The following GAREM1 variants were observed in gnomAD, a reference collection of about 807,000 sequenced individuals.
The protein encoded by GAREM1 is GRB2 associated regulator of MAPK1 subtype 1.
In GAREM1, 26 loss-of-function variants were observed where a neutral mutation model predicts 71.3. The observed-to-expected ratio is 0.36, with a 90% CI of 0.27 to 0.51. The LOEUF (loss-of-function observed/expected upper bound fraction) is 0.51. Among genes scored for constraint, GAREM1 ranks in the 20% least tolerant of loss-of-function variants. The probability of loss-of-function intolerance (pLI) is 0.95; values close to 1 mark genes in which losing one functional copy is unlikely to be tolerated. For missense variants in GAREM1, 1,026 were observed against 1,103.1 expected, an observed-to-expected ratio of 0.93 and a Z score of 0.99; for synonymous variants, 440 against 433.2, an observed-to-expected ratio of 1.02 and a Z score of -0.20.
chr18:32,468,611 T>A (rs1444948244), intron 1 of GAREM1, among the ~76,000 whole-genome samples: 2 of 152,204 alleles, frequency 1.3e-5, no homozygotes, highest in Non-Finnish European at 2.9e-5. Context: ...CAGATCCTTT[T>A]TATGAATGGC....
At chr18:32,402,875 C>T (rs1308719861) in intron 1 of GAREM1, among the ~76,000 whole-genome samples, 1 of 148,564 alleles carries the variant, frequency 6.7e-6, no homozygotes, top group Non-Finnish European at 1.5e-5. Flanking sequence ...TGTATCTGTG[C>T]TCGTGGAGTG....
intron 3 of GAREM1, among the ~76,000 whole-genome samples, chr18:32,297,147 A>G (rs2047149218): frequency 6.6e-6 from 1 of 152,200 alleles, no homozygotes; most frequent in South Asian, 2.1e-4. Context: ...TGCAAACTCT[A>G]AAATACGTGC....
At position 32,364,854 on chromosome 18, in the gene GAREM1, C is replaced by T. The variant is rs555284394; in HGVS notation, c.262+28041G>A. 6.6e-5 allele frequency among the ~76,000 whole-genome samples: 10 copies of T among 150,712 alleles called. No homozygotes were observed. In the South Asian group the frequency reaches 1.7e-3, roughly 25 times the overall value. ...TTTAAATACGAGAATGTACCATGTG[C>T]GAGGCACATATAAGAGCACAGACAC... On this transcript the variant is annotated intron_variant, in intron 2 of 5. Transcript: ENST00000269209.
chr18:32,373,459 G>A (rs2048005329), intron 2 of GAREM1, among the ~76,000 whole-genome samples: 1 of 152,126 alleles, frequency 6.6e-6, no homozygotes, highest in African/African-American at 2.4e-5. Flanking sequence ...ATTAGGGCAT[G>A]CGAGTGGAGC....
At chr18:32,395,147 A>C (rs1489698631) in intron 1 of GAREM1, among the ~76,000 whole-genome samples, 1 of 152,236 alleles carries the variant, frequency 6.6e-6, no homozygotes, top group Non-Finnish European at 1.5e-5. Flanking sequence ...AGTAAGTGGC[A>C]GAAGCTGACT....
chr18:32,441,474 G>A (rs190565807), intron 1 of GAREM1, among the ~76,000 whole-genome samples: 30 of 152,158 alleles, frequency 2.0e-4, no homozygotes, highest in Admixed American at 1.4e-3. Context: ...AGGAAAACAC[G>A]GCTTTCGAAA....
chr18:32,427,597 C>T (rs2048587604), intron 1 of GAREM1, among the ~76,000 whole-genome samples: 1 of 152,166 alleles, frequency 6.6e-6, no homozygotes, highest in Non-Finnish European at 1.5e-5. Flanking sequence ...CCCACAAATG[C>T]TCATTAAAAT....
chr18:32,300,921 AAAAAAG>A (rs2047195057), intron 3 of GAREM1, among the ~76,000 whole-genome samples: 1 of 151,832 alleles, frequency 6.6e-6, no homozygotes. Context: ...AAAAAAAAAA[AAAAAAG>A]AAGAAGGCAC....
chr18:32,349,534 T>G (rs2047727915), intron 2 of GAREM1, among the ~76,000 whole-genome samples: 1 of 152,174 alleles, frequency 6.6e-6, no homozygotes, highest in Non-Finnish European at 1.5e-5. Flanking sequence ...GAGGTATTAC[T>G]TCCCCCAAAA....
At chr18:32,449,996 C>T (rs10468834) in intron 1 of GAREM1, among the ~76,000 whole-genome samples, 21,423 of 152,090 alleles carry the variant, frequency 0.14, 1,872 homozygotes, top group East Asian at 0.39. Context: ...AAAAAGCAAG[C>T]CTCCTTATGT....
At chr18:32,441,898 T>C (rs2048741606) in intron 1 of GAREM1, among the ~76,000 whole-genome samples, 1 of 152,168 alleles carries the variant, frequency 6.6e-6, no homozygotes, top group African/African-American at 2.4e-5. Context: ...AAGGTCACCG[T>C]AACAGAACTT....
intron 2 of GAREM1, among the ~76,000 whole-genome samples, chr18:32,358,373 A>G (rs1021025304): frequency 4.6e-5 from 7 of 151,960 alleles, no homozygotes; most frequent in African/African-American, 1.7e-4. Flanking sequence ...AAGGGGCCAG[A>G]TTTTAGTTCT....
At chr18:32,396,640 G>A (rs1455710335) in intron 1 of GAREM1, among the ~76,000 whole-genome samples, 1 of 152,184 alleles carries the variant, frequency 6.6e-6, no homozygotes, top group African/African-American at 2.4e-5. Flanking sequence ...AAGCCTCCAA[G>A]AAATATGGGA....
chr18:32,287,172 C>T lies in GAREM1; in HGVS notation c.1425G>A (p.Lys475=). 1 of 1,614,228 alleles carries T rather than the reference C, an allele frequency of 6.2e-7. No homozygotes were observed. The highest frequency in any genetic ancestry group is 8.5e-7 in the Non-Finnish European group (1 of 1,180,030). ...AACCTCTAAACTGATCACATCTGTTCTTCTCGCTCAGAGAGCGAGTGAGAG... is the reference window on the plus strand; with the variant it reads ...AACCTCTAAACTGATCACATCTGTTTTTCTCGCTCAGAGAGCGAGTGAGAG... The part of the protein sequence containing the change: ...HQPLTRSLSE[K]NRCDQFRGSV... The change falls in exon 4 of 6, where the codon AAG becomes AAA. Residue 475 remains lysine, a synonymous_variant. Transcript: ENST00000269209. This position sits in a 1 kb window ranked among gnomAD's most constrained non-coding sequence, Gnocchi z 5.9.
intron 3 of GAREM1, among the ~76,000 whole-genome samples, chr18:32,301,034 G>A (rs1169615513): frequency 6.6e-6 from 1 of 152,104 alleles, no homozygotes; most frequent in Non-Finnish European, 1.5e-5. Flanking sequence ...AAAATAAAAG[G>A]CACATGGATT....
At chr18:32,333,520 G>A (rs1348454684) in intron 2 of GAREM1, among the ~76,000 whole-genome samples, 1 of 152,182 alleles carries the variant, frequency 6.6e-6, no homozygotes, top group African/African-American at 2.4e-5. Context: ...CCCCTTGTAG[G>A]CACTGCTGCA....
intron 2 of GAREM1, among the ~76,000 whole-genome samples, chr18:32,328,132 G>A (rs594344): frequency 0.23 from 34,685 of 152,084 alleles, 5,516 homozygotes; most frequent in African/African-American, 0.45. Context: ...TCAAAGCAGT[G>A]TATGAAGTGC....
chr18:32,342,576 C>T lies in GAREM1; in HGVS notation c.263-32253G>A, dbSNP rs568278121. ...CCTCTTGTCCTCTATGCTTCCTACA[C>T]ACCTCAGCTCACAGTGGACTCCACA... On this transcript the variant is annotated intron_variant, in intron 2 of 5. Transcript: ENST00000269209. Among the ~76,000 whole-genome samples the T allele has an allele frequency of 2.0e-5, 3 of 152,326 alleles. No individual in the cohort carries two copies. In the East Asian group the frequency reaches 5.8e-4, roughly 29 times the overall value.
At chr18:32,274,252 A>G (rs1273065164) in intron 4 of GAREM1, among the ~76,000 whole-genome samples, 1 of 152,154 alleles carries the variant, frequency 6.6e-6, no homozygotes, top group Non-Finnish European at 1.5e-5. Context: ...CTTAGTTCCT[A>G]TCTCTTACTC....
Sources: gnomAD v4.1 joint callset for allele counts (sites outside exome capture counted in the v4.1 genomes callset) on GRCh38, gnomAD v4.1.1 for gene constraint, Gnocchi (gnomAD v3.1) non-coding constraint, MANE v1.5 for transcripts, NCBI Gene and HGNC (gene_info 2026-07-23, HGNC 2026-07-21) for gene names.